CADM2: variants seen among roughly 807,000 people sequenced by gnomAD.
CADM2 encodes cell adhesion molecule 2, also known as immunoglobulin superfamily member 4D.
A neutral mutation model predicts 49.8 loss-of-function variants in CADM2; 12 were observed. The observed-to-expected ratio is 0.24, with a 90% confidence interval of 0.15 to 0.39. CADM2 has a LOEUF of 0.39. CADM2 is among the 10% of genes least tolerant of loss of function. The probability of loss-of-function intolerance (pLI) is 1.00; values close to 1 mark genes in which losing one functional copy is unlikely to be tolerated. For missense variants in CADM2, 378 were observed against 492.3 expected, an observed-to-expected ratio of 0.77 and a Z score of 2.20; for synonymous variants, 214 against 175.4, an observed-to-expected ratio of 1.22 and a Z score of -1.74.
chr3:85,970,644 G>A (rs2325006), intron 8 of CADM2, among the ~76,000 whole-genome samples: 46,564 of 151,070 alleles, frequency 0.31, 8,362 homozygotes, highest in East Asian at 0.41. Context: ...TTGGATTCAC[G>A]TTATTACTTT....
intron 1 of CADM2, among the ~76,000 whole-genome samples, chr3:85,044,943 A>G (rs994819251): frequency 6.6e-6 from 1 of 151,996 alleles, no homozygotes; most frequent in Non-Finnish European, 1.5e-5. Flanking sequence ...CCTTTGGTTC[A>G]TGATAGCTGT....
chr3:85,576,724 G>A (rs1216769468), intron 1 of CADM2, among the ~76,000 whole-genome samples: 2 of 151,852 alleles, frequency 1.3e-5, no homozygotes, highest in Non-Finnish European at 2.9e-5. Flanking sequence ...TCAAATTTTT[G>A]ACCAAAATTA....
intron 1 of CADM2, among the ~76,000 whole-genome samples, chr3:85,373,665 C>T (rs2033415115): frequency 6.6e-6 from 1 of 152,196 alleles, no homozygotes; most frequent in African/African-American, 2.4e-5. Flanking sequence ...TCTGCCTGGA[C>T]ATCTAGGCAT....
chr3:85,919,455 A>G lies in CADM2; in HGVS notation c.700+6912A>G, dbSNP rs547051222. 2.5e-3 allele frequency among the ~76,000 whole-genome samples: 382 copies of G among 152,002 alleles called. 1 individual carries two copies. Among genetic ancestry groups the G allele is most frequent in the African/African-American group, 8.9e-3 (370 of 41,536 alleles). ...GTTAAAATTGTGTTTACATGAAATT[A>G]ATTAGGTTAATAACGAATGAAAATA... is the stretch of plus-strand genomic sequence containing the variant. On this transcript the variant is annotated intron_variant, in intron 6 of 9. Transcript: ENST00000383699.
chr3:85,600,035 A>G (rs2063348569), intron 1 of CADM2, among the ~76,000 whole-genome samples: 1 of 152,074 alleles, frequency 6.6e-6, no homozygotes, highest in African/African-American at 2.4e-5. Context: ...AAACATCTTA[A>G]AGCTAAGAAA....
chr3:85,799,580 T>C (rs2108064809), intron 2 of CADM2, among the ~76,000 whole-genome samples: 1 of 152,360 alleles, frequency 6.6e-6, no homozygotes, highest in South Asian at 2.1e-4. Context: ...CATTTATTGA[T>C]TTGAGTATGT....
chr3:85,952,816 G>T (rs1430442505), intron 7 of CADM2, among the ~76,000 whole-genome samples: 1 of 150,676 alleles, frequency 6.6e-6, no homozygotes, highest in Non-Finnish European at 1.5e-5. Context: ...TCTGTCTTAA[G>T]AACTGTATAT....
chr3:85,920,812 A>G (rs571488773), intron 6 of CADM2, among the ~76,000 whole-genome samples: 1 of 151,712 alleles, frequency 6.6e-6, no homozygotes, highest in South Asian at 2.1e-4. Flanking sequence ...ATTAAAACTC[A>G]TTGAAGAGGA....
rs56769723 is a variant in CADM2, at chr3:85,924,592, AAAAT to A, written c.701-11144_701-11141del. 3.1e-3 allele frequency among the ~76,000 whole-genome samples: 456 copies of A among 146,292 alleles called. 8 individuals carry two copies. Among genetic ancestry groups the A allele is most frequent in the South Asian group, 0.026 (117 of 4,570 alleles). On this transcript the variant is annotated intron_variant, in intron 6 of 9. Coordinates refer to ENST00000383699, the MANE Select transcript of CADM2 (RefSeq NM_001167675.2). ...GGGTGACAAAATGAAACAACATCTA[AAAAT>A]AAATAAATAAATAAATAAATAAATA... is the stretch of plus-strand genomic sequence containing the variant.
rs930703954 is a variant in CADM2 at position 86,069,659 on chromosome 3, A to C, written c.*2876A>C. ...ATAGAGTCAATTTCTGTCTCTTCTA[A>C]GTGAGCACAGTAGGTAGGGAACTCA... is the stretch of plus-strand genomic sequence containing the variant. On this transcript the variant is annotated 3_prime_UTR_variant, in exon 10 of 10. Transcript: ENST00000383699. 6.6e-6 allele frequency: 1 copy of C among 151,950 alleles called. No homozygotes were observed. The highest frequency in any genetic ancestry group is 2.4e-5 in the African/African-American group (1 of 41,422). The allele number at this position is 151,950 out of a possible 1,614,324, so 9.4% of individuals were successfully genotyped here.
At chr3:85,136,688 TAAG>T (rs752212164) in intron 1 of CADM2, among the ~76,000 whole-genome samples, 16 of 151,934 alleles carry the variant, frequency 1.1e-4, no homozygotes, top group Non-Finnish European at 2.2e-4. Context: ...GCAAGTTACT[TAAG>T]AATGCAAAGA....
chr3:84,984,984 T>C (rs1269713362), intron 1 of CADM2, among the ~76,000 whole-genome samples: 1 of 152,150 alleles, frequency 6.6e-6, no homozygotes, highest in Non-Finnish European at 1.5e-5. Flanking sequence ...GTAATAAGAT[T>C]GTTAATCCAG....
intron 1 of CADM2, among the ~76,000 whole-genome samples, chr3:85,397,690 A>G (rs2034862012): frequency 6.6e-6 from 1 of 152,186 alleles, no homozygotes; most frequent in Non-Finnish European, 1.5e-5. Context: ...ACATTCATAC[A>G]GACACAAAAC....
At chr3:85,934,772 C>A in intron 6 of CADM2, among the ~76,000 whole-genome samples, 1 of 151,840 alleles carries the variant, frequency 6.6e-6, no homozygotes, top group East Asian at 1.9e-4. Flanking sequence ...GCTCTAAAAT[C>A]AAAGAATGTA....
chr3:85,917,027 T>C (rs1718438974), intron 6 of CADM2, among the ~76,000 whole-genome samples: 1 of 152,130 alleles, frequency 6.6e-6, no homozygotes, highest in Non-Finnish European at 1.5e-5. Flanking sequence ...TTTTTTTTTA[T>C]TGTAAATTTG....
intron 1 of CADM2, among the ~76,000 whole-genome samples, chr3:85,718,410 G>A (rs2067373961): frequency 1.3e-5 from 2 of 152,266 alleles, no homozygotes; most frequent in South Asian, 4.1e-4. Context: ...ACATCTAAGG[G>A]TTTGCATTTA....
intron 1 of CADM2, among the ~76,000 whole-genome samples, chr3:85,587,219 G>C (rs1183486276): frequency 6.6e-6 from 1 of 152,012 alleles, no homozygotes; most frequent in Non-Finnish European, 1.5e-5. Context: ...CATTATGTCT[G>C]AGAAAAGATA....
intron 2 of CADM2, among the ~76,000 whole-genome samples, chr3:85,753,777 G>A (rs9835478): frequency 2.1e-4 from 32 of 152,000 alleles, no homozygotes; most frequent in African/African-American, 7.0e-4. Context: ...CCGCGAACTC[G>A]TATGCGTCTG....
intron 1 of CADM2, among the ~76,000 whole-genome samples, chr3:85,405,205 A>T (rs1467153583): frequency 6.6e-6 from 1 of 152,202 alleles, no homozygotes; most frequent in East Asian, 1.9e-4. Context: ...CTATACTTAG[A>T]AAATCCTTAA....
Sources: gnomAD v4.1 joint callset for allele counts (sites outside exome capture counted in the v4.1 genomes callset) on GRCh38, gnomAD v4.1.1 for gene constraint, MANE v1.5 for transcripts, NCBI Gene and HGNC (gene_info 2026-07-23, HGNC 2026-07-21) for gene names.